The following ZFP91 variants were observed in gnomAD, a reference collection of about 807,000 sequenced individuals.
ZFP91 encodes the protein ZFP91 zinc finger protein, atypical E3 ubiquitin ligase.
A neutral mutation model predicts 63.5 loss-of-function variants in ZFP91; 7 were observed. The observed-to-expected ratio is 0.11, with a 90% CI of 0.06 to 0.21. The LOEUF (loss-of-function observed/expected upper bound fraction) is 0.21. Ranked by LOEUF, ZFP91 falls within the 10% of genes least tolerant of loss-of-function variation. The pLI, the probability that ZFP91 is intolerant of heterozygous loss-of-function variation, is 1.00. For missense variants in ZFP91, 628 were observed against 736.6 expected, an observed-to-expected ratio of 0.85 and a Z score of 1.71; for synonymous variants, 330 against 272.1, an observed-to-expected ratio of 1.21 and a Z score of -2.10.
intron 2 of ZFP91, among the ~76,000 whole-genome samples, chr11:58,597,885 A>T (rs1435178372): frequency 6.6e-6 from 1 of 152,168 alleles, no homozygotes; most frequent in Non-Finnish European, 1.5e-5. Flanking sequence ...GCTTCTTGGA[A>T]GCACTTCCAG....
At chr11:58,579,980 T>C (rs1855079952) in intron 1 of ZFP91, among the ~76,000 whole-genome samples, 1 of 152,140 alleles carries the variant, frequency 6.6e-6, no homozygotes, top group Non-Finnish European at 1.5e-5. Flanking sequence ...GGCTCTCCAG[T>C]ATTACATCAC....
rs150123509 is a variant in ZFP91 at position 58,579,828 on chromosome 11, G to C, written c.341+206G>C. Among the ~76,000 whole-genome samples the C allele has an allele frequency of 7.2e-5, 11 of 152,048 alleles. No individual in the cohort carries two copies. The East Asian group carries it at 1.8e-3, about 24-fold the overall frequency. Reference sequence around the variant, plus strand: ...TCTCGCTCCTGTACCTTCGCTTGTCGGGCCGTTTCCCCACTCCCCGAAATC... The same window carrying C: ...TCTCGCTCCTGTACCTTCGCTTGTCCGGCCGTTTCCCCACTCCCCGAAATC... On this transcript the variant is annotated intron_variant, in intron 1 of 10. Coordinates refer to ENST00000316059, the MANE Select transcript of ZFP91 (RefSeq NM_053023.5).
At position 58,588,789 on chromosome 11, in the gene ZFP91, G is replaced by A. The variant is rs112110927; in HGVS notation, c.370+3905G>A. 1.5e-3 allele frequency among the ~76,000 whole-genome samples: 223 copies of A among 152,044 alleles called. 3 individuals carry two copies. The highest frequency in any genetic ancestry group is 5.4e-3 in the South Asian group (26 of 4,812). On this transcript the variant is annotated intron_variant, in intron 2 of 10. Transcript: ENST00000316059. Reference sequence around the variant, plus strand: ...TTTTATTATTTCTAAAAATACAGAAGACACATTTTTATGCTTTTTTTCCCA... The same window carrying A: ...TTTTATTATTTCTAAAAATACAGAAAACACATTTTTATGCTTTTTTTCCCA...
chr11:58,584,161 T>A (rs1316289599), intron 1 of ZFP91, among the ~76,000 whole-genome samples: 1 of 152,102 alleles, frequency 6.6e-6, no homozygotes, highest in Non-Finnish European at 1.5e-5. Flanking sequence ...CTCTTTACTG[T>A]TGCTTTTTAA....
chr11:58,595,025 G>A (rs1007415269), intron 2 of ZFP91, among the ~76,000 whole-genome samples: 7 of 152,122 alleles, frequency 4.6e-5, no homozygotes, highest in Admixed American at 6.5e-5. Context: ...AGCCCTTGCC[G>A]TGGTGCTTTC....
At chr11:58,590,895 T>C (rs12365551) in intron 2 of ZFP91, among the ~76,000 whole-genome samples, 22,312 of 151,504 alleles carry the variant, frequency 0.15, 1,844 homozygotes, top group Middle Eastern at 0.2. Flanking sequence ...TGAAGGGCAT[T>C]TGATATTTCT....
At chr11:58,605,813 C>G (rs984980830) in intron 2 of ZFP91, among the ~76,000 whole-genome samples, 3 of 152,004 alleles carry the variant, frequency 2.0e-5, no homozygotes, top group African/African-American at 7.2e-5. Flanking sequence ...AATAGTTTTT[C>G]AAATATTCTT....
chr11:58,595,703 G>C (rs1367126235), intron 2 of ZFP91, among the ~76,000 whole-genome samples: 6 of 151,560 alleles, frequency 4.0e-5, no homozygotes, highest in Non-Finnish European at 8.8e-5. Context: ...TTGACCTCCT[G>C]AGTAGCTGGG....
At chr11:58,579,655 C>A in intron 1 of ZFP91, 33 bp downstream of exon 1, 2 of 1,513,394 alleles carry the variant, frequency 1.3e-6, no homozygotes, top group South Asian at 1.3e-5. Flanking sequence ...GTGGGAAAGA[C>A]CCCCCTCTGT....
intron 2 of ZFP91, among the ~76,000 whole-genome samples, chr11:58,585,230 A>G (rs952310457): frequency 5.3e-5 from 8 of 152,190 alleles, no homozygotes; most frequent in African/African-American, 1.7e-4. Context: ...TTAAAATTAC[A>G]GGGTGAAGAA....
intron 2 of ZFP91, among the ~76,000 whole-genome samples, chr11:58,607,961 T>C (rs1162117880): frequency 2.0e-5 from 3 of 151,998 alleles, no homozygotes; most frequent in Non-Finnish European, 4.4e-5. Context: ...CTAGGGCATA[T>C]ACTTAAAGGT....
chr11:58,586,309 A>T (rs571562693), intron 2 of ZFP91, among the ~76,000 whole-genome samples: 1 of 152,290 alleles, frequency 6.6e-6, no homozygotes, highest in East Asian at 1.9e-4. Context: ...CCCCTTTTGG[A>T]GAGAAAAGTA....
chr11:58,620,733 A>G lies in ZFP91; in HGVS notation c.*3027A>G, dbSNP rs1484746949. 1 of 152,630 alleles carries G rather than the reference A, an allele frequency of 6.6e-6. No individual in the cohort carries two copies. The highest frequency in any genetic ancestry group is 1.5e-5 in the Non-Finnish European group (1 of 68,028). The allele number at this position is 152,630 out of a possible 1,614,324, so 9.5% of individuals were successfully genotyped here. A position where few individuals can be genotyped will look rare whatever the true frequency, so the allele number is the denominator to read the frequency against. On this transcript the variant is annotated 3_prime_UTR_variant, in exon 11 of 11. Coordinates refer to ENST00000316059, the MANE Select transcript of ZFP91 (RefSeq NM_053023.5). ...GATTATTATAGTCTGGTTGTTTGAA[A>G]TACCATTTTTTTCTCCTTTTGTGTT... is the stretch of plus-strand genomic sequence containing the variant.
rs924809027 is a variant in ZFP91, at chr11:58,579,536, C to G, written c.255C>G (p.Ser85Arg). 1.3e-6 allele frequency: 2 copies of G among 1,578,278 alleles called. No individual in the cohort carries two copies. Among genetic ancestry groups the G allele is most frequent in the African/African-American group, 2.8e-5 (2 of 71,104 alleles). The change falls in exon 1 of 11, where the codon AGC (serine) becomes AGG (arginine). Residue 85 changes from serine to arginine, a missense_variant. By Grantham distance (110) the Ser-to-Arg change is moderately radical. Transcript: ENST00000316059. ...EYPRRRRSSP[S>R]ARPPDVPGQQ... The stretch of plus-strand genomic sequence containing the variant: ...CCCGCCGGCGGAGGAGCAGCCCCAG[C>G]GCCAGGCCTCCCGACGTCCCCGGGC...
chr11:58,605,801 C>G (rs1855560938), intron 2 of ZFP91, among the ~76,000 whole-genome samples: 1 of 152,058 alleles, frequency 6.6e-6, no homozygotes, highest in Non-Finnish European at 1.5e-5. Context: ...ACTATATTCC[C>G]CAATAGTTTT....
Position 58,579,267 on chromosome 11 carries a change from G to A in ZFP91, c.-15G>A. On this transcript the variant is annotated 5_prime_UTR_variant, in exon 1 of 11. Transcript: ENST00000316059. ...CGCCGCCTAGGACTAGGGGGTGGGG[G>A]ACGGACAAGCCCCGATGCCGGGGGA... 7.0e-7 allele frequency: 1 copy of A among 1,420,600 alleles called. No individual in the cohort carries two copies. Among genetic ancestry groups the A allele is most frequent in the South Asian group, 1.5e-5 (1 of 67,872 alleles). 88.0% of individuals were successfully genotyped at this position (1,420,600 alleles called of 1,614,324 possible). A position where few individuals can be genotyped will look rare whatever the true frequency, so the allele number is the denominator to read the frequency against.
rs2134421128 is a variant in ZFP91, at chr11:58,612,275, C to T, written c.858-3C>T. The T allele has an allele frequency of 6.2e-7, 1 of 1,613,478 alleles. No homozygotes were observed. Among genetic ancestry groups the T allele is most frequent in the East Asian group, 2.2e-5 (1 of 44,852 alleles). On this transcript the variant is annotated splice_polypyrimidine_tract_variant and splice_region_variant and intron_variant, in intron 6 of 10. Transcript: ENST00000316059. ...TCTACTGTTACCCTGTCTTCAATTA[C>T]AGGAGAGGAAGAAGACGAAAAGATG... is the stretch of plus-strand genomic sequence containing the variant.
intron 2 of ZFP91, among the ~76,000 whole-genome samples, chr11:58,608,859 A>G (rs577055793): frequency 6.6e-6 from 1 of 152,010 alleles, no homozygotes; most frequent in Non-Finnish European, 1.5e-5. Flanking sequence ...CGCCTTGGCC[A>G]CTCAAAGTGC....
In ZFP91 at chr11:58,617,326, G is replaced by T; in HGVS notation, c.1333G>T (p.Val445Leu). ...CAAAAAATTTGAGAAGAAGGACAGC[G>T]TAGTGGCACACAAGGCAAAAAGCCA... ...CGKKFEKKDS[V>L]VAHKAKSHPE... Residue 445 changes from valine to leucine, a missense_variant, in exon 11 of 11, where the codon GTA becomes TTA. Val to Leu is a conservative substitution (Grantham distance 32, BLOSUM62 1). Around this residue, in one of 3 missense-constraint regions of ZFP91, gnomAD observed 76 missense variants for 230.9 expected, o/e 0.33. Transcript: ENST00000316059. This position sits in a 1 kb window ranked among gnomAD's most constrained non-coding sequence, Gnocchi z 4.2. The T allele has an allele frequency of 6.2e-7, 1 of 1,614,088 alleles. No homozygotes were observed. Among genetic ancestry groups the T allele is most frequent in the Non-Finnish European group, 8.5e-7 (1 of 1,179,984 alleles).
Sources: allele counts gnomAD v4.1 joint callset (sites outside exome capture counted in the v4.1 genomes callset), GRCh38; gene constraint gnomAD v4.1.1; regional missense constraint gnomAD v4.1.1; non-coding constraint Gnocchi (gnomAD v3.1); transcripts MANE v1.5; gene names NCBI Gene and HGNC (gene_info 2026-07-23, HGNC 2026-07-21).